Variants in TIAM1 observed in about 807,000 individuals in gnomAD.
The protein encoded by TIAM1 is TIAM Rac1 associated GEF 1, also known as rho guanine nucleotide exchange factor TIAM1.
TIAM1 carries 65 observed loss-of-function variants against 163.5 expected under a neutral mutation model. The ratio of observed to expected loss-of-function variants is 0.40; its 90% confidence interval spans 0.33 to 0.49. The LOEUF is 0.49. Ranked by LOEUF, TIAM1 falls within the 20% of genes least tolerant of loss-of-function variation. TIAM1 has a pLI of 0.77. For synonymous variants in TIAM1, 833 were observed against 810.1 expected (o/e 1.03, Z -0.48); for missense variants, 1,789 against 2,044.7 (o/e 0.87, Z 2.41).
Position 31,225,669 on chromosome 21 carries a change from A to C in TIAM1, c.1809+57T>G. 4 of 1,459,124 alleles carry C rather than the reference A, an allele frequency of 2.7e-6. No individual in the cohort carries two copies. The South Asian group carries it at 4.9e-5, about 18-fold the overall frequency. The allele number at this position is 1,459,124 out of a possible 1,614,324, so 90.4% of individuals were successfully genotyped here. A position where few individuals can be genotyped will look rare whatever the true frequency, so the allele number is the denominator to read the frequency against. On this transcript the variant is annotated intron_variant, in intron 7 of 27. Coordinates refer to ENST00000541036, the MANE Select transcript of TIAM1 (RefSeq NM_001353694.2). The stretch of plus-strand genomic sequence containing the variant: ...ATTCCAAAACAGCAAAAAAAAAAAA[A>C]AACCCTTTTAGAGACCTAACAATTT...
chr21:31,401,981 G>A (rs901404581), intron 2 of TIAM1, among the ~76,000 whole-genome samples: 34 of 151,886 alleles, frequency 2.2e-4, no homozygotes, highest in African/African-American at 6.5e-4. Flanking sequence ...TTGGGAGGCC[G>A]ATGCGGGTGG....
At chr21:31,306,619 T>C (rs1454721142) in intron 2 of TIAM1, among the ~76,000 whole-genome samples, 5 of 152,146 alleles carry the variant, frequency 3.3e-5, no homozygotes, top group Admixed American at 6.5e-5. Context: ...CTGTGATGTG[T>C]CTGCCAGTGA....
At chr21:31,249,169 C>T (rs1022829288) in intron 5 of TIAM1, among the ~76,000 whole-genome samples, 1 of 151,982 alleles carries the variant, frequency 6.6e-6, no homozygotes, top group Non-Finnish European at 1.5e-5. Context: ...GAGGTAATTA[C>T]GATAATATGA....
intron 3 of TIAM1, among the ~76,000 whole-genome samples, chr21:31,275,513 G>A (rs1405866558): frequency 1.3e-5 from 2 of 152,048 alleles, no homozygotes; most frequent in Non-Finnish European, 1.5e-5. Context: ...CTACTTTTTC[G>A]CTATATTTCA....
At chr21:31,385,543 T>C (rs1384392368) in intron 2 of TIAM1, among the ~76,000 whole-genome samples, 1 of 151,892 alleles carries the variant, frequency 6.6e-6, no homozygotes, top group Non-Finnish European at 1.5e-5. Context: ...CTAGGATCTG[T>C]ACAAGTGAAA....
chr21:31,557,067 C>T (rs1330166701), intron 1 of TIAM1, among the ~76,000 whole-genome samples: 2 of 152,216 alleles, frequency 1.3e-5, no homozygotes, highest in African/African-American at 4.8e-5. Flanking sequence ...TGCTTTCCAC[C>T]TGGAAGGGTT....
In TIAM1 at chr21:31,198,396, C is replaced by T. The variant is rs9974662; in HGVS notation, c.2494-3091G>A. On this transcript the variant is annotated intron_variant, in intron 12 of 27. Coordinates refer to ENST00000541036, the MANE Select transcript of TIAM1 (RefSeq NM_001353694.2). ...TAAACACCTCAATTTAATGCAATTTCCACCAAATGCAACGTGTCAAGGGCA... is the reference window on the plus strand; with the variant it reads ...TAAACACCTCAATTTAATGCAATTTTCACCAAATGCAACGTGTCAAGGGCA... 5.9e-3 allele frequency among the ~76,000 whole-genome samples: 900 copies of T among 152,292 alleles called. 11 individuals carry two copies. The highest frequency in any genetic ancestry group is 0.02 in the African/African-American group (842 of 41,548).
At chr21:31,197,346 G>C (rs925526749) in intron 12 of TIAM1, among the ~76,000 whole-genome samples, 15 of 151,592 alleles carry the variant, frequency 9.9e-5, no homozygotes, top group Non-Finnish European at 2.1e-4. Flanking sequence ...CATAAATGTT[G>C]TTTAAATTAA....
intron 16 of TIAM1, 50 bp downstream of exon 16, chr21:31,164,912 T>A: frequency 6.3e-7 from 1 of 1,579,668 alleles, no homozygotes; most frequent in Non-Finnish European, 8.7e-7. Flanking sequence ...TTGTCAGCTG[T>A]GATTCTTCAG....
upstream of TIAM1, among the ~76,000 whole-genome samples, chr21:31,345,071 C>G (rs868049217): frequency 1.3e-5 from 2 of 152,086 alleles, no homozygotes; most frequent in South Asian, 4.1e-4. Context: ...TTTAAATGAC[C>G]TCAGGTTAAA....
In TIAM1 at chr21:31,544,106, A is replaced by G. The variant is rs192462075; in HGVS notation, c.-422+14821T>C. Among the ~76,000 whole-genome samples, 615 of 152,288 alleles carry G rather than the reference A, an allele frequency of 4.0e-3. 4 individuals carry two copies. The highest frequency in any genetic ancestry group is 0.014 in the African/African-American group (581 of 41,552). ...GTGCCTGTAATCCCAGCTACTCAGG[A>G]GGCTGAGACAGGAGAATCGCTTGAA... On this transcript the variant is annotated intron_variant, in intron 1 of 28. Coordinates refer to the TIAM1 transcript ENST00000286827.
At chr21:31,203,581 C>A (rs939235665) in intron 11 of TIAM1, among the ~76,000 whole-genome samples, 3 of 152,244 alleles carry the variant, frequency 2.0e-5, no homozygotes, top group African/African-American at 4.8e-5. Context: ...CACATCTCCA[C>A]GCCTCCTTAT....
intron 2 of TIAM1, among the ~76,000 whole-genome samples, chr21:31,410,923 G>A (rs896891507): frequency 6.6e-6 from 1 of 152,142 alleles, no homozygotes; most frequent in Non-Finnish European, 1.5e-5. Context: ...GAGAGCATTA[G>A]GGGCCCGCTC....
intron 15 of TIAM1, among the ~76,000 whole-genome samples, chr21:31,178,548 T>C (rs2084873732): frequency 6.6e-6 from 1 of 152,128 alleles, no homozygotes; most frequent in South Asian, 2.1e-4. Flanking sequence ...CCTCGTGATC[T>C]GCCTGCCTCG....
chr21:31,189,984 G>A (rs562366802), intron 13 of TIAM1, among the ~76,000 whole-genome samples: 1 of 152,244 alleles, frequency 6.6e-6, no homozygotes, highest in African/African-American at 2.4e-5. Flanking sequence ...AGGGGGCAGA[G>A]GGAAATTATT....
At chr21:31,138,264 G>C (rs993632695) in intron 22 of TIAM1, among the ~76,000 whole-genome samples, 5 of 152,186 alleles carry the variant, frequency 3.3e-5, no homozygotes, top group African/African-American at 9.7e-5. Flanking sequence ...ATGGGGGTAG[G>C]AGGTTGAAGG....
chr21:31,485,608 G>A (rs2046246284), intron 1 of TIAM1, among the ~76,000 whole-genome samples: 1 of 152,118 alleles, frequency 6.6e-6, no homozygotes, highest in African/African-American at 2.4e-5. Flanking sequence ...CATTGTATCA[G>A]GAACCTCAAT....
At chr21:31,317,316 T>C (rs987733895) in intron 2 of TIAM1, among the ~76,000 whole-genome samples, 2 of 151,334 alleles carry the variant, frequency 1.3e-5, no homozygotes, top group Non-Finnish European at 1.5e-5. Flanking sequence ...TAGCCGGGCG[T>C]GGTGGCACAT....
intron 2 of TIAM1, among the ~76,000 whole-genome samples, chr21:31,356,250 T>C (rs569638178): frequency 6.6e-6 from 1 of 152,350 alleles, no homozygotes; most frequent in South Asian, 2.1e-4. Flanking sequence ...TTTCAACTTA[T>C]ACATTCACTA....
Sources: gnomAD v4.1 joint callset for allele counts (sites outside exome capture counted in the v4.1 genomes callset) on GRCh38, gnomAD v4.1.1 for gene constraint, MANE v1.5 for transcripts, NCBI Gene and HGNC (gene_info 2026-07-23, HGNC 2026-07-21) for gene names.